Variants in CSTPP1 observed in about 807,000 individuals in gnomAD.
CSTPP1 encodes UPF0705 protein C11orf49.
the CSTPP1 span, among the ~76,000 whole-genome samples, chr11:47,013,609 A>G: frequency 1.3e-5 from 2 of 152,204 alleles, no homozygotes; most frequent in Non-Finnish European, 2.9e-5. Context: ...ATAGTATTCT[A>G]TGGTGTATAT....
chr11:47,004,680 C>A, the CSTPP1 span, among the ~76,000 whole-genome samples: 1 of 152,116 alleles, frequency 6.6e-6, no homozygotes, highest in African/African-American at 2.4e-5. Context: ...ACCCCCTTTC[C>A]TCTAGATACA....
the CSTPP1 span, among the ~76,000 whole-genome samples, chr11:47,091,188 G>A: frequency 9.2e-5 from 14 of 151,568 alleles, no homozygotes; most frequent in East Asian, 7.8e-4. Context: ...TCAGGAGATC[G>A]AGACCATCCT....
chr11:47,133,542 A>G, the CSTPP1 span, among the ~76,000 whole-genome samples: 1 of 152,224 alleles, frequency 6.6e-6, no homozygotes, highest in South Asian at 2.1e-4. Context: ...CCCCCAGCCC[A>G]TGCCCTCTGG....
chr11:46,984,844 C>T, the CSTPP1 span, among the ~76,000 whole-genome samples: 1 of 151,714 alleles, frequency 6.6e-6, no homozygotes, highest in African/African-American at 2.4e-5. Flanking sequence ...CAGGATAAAC[C>T]GATAGAAGAA....
the CSTPP1 span, among the ~76,000 whole-genome samples, chr11:47,055,856 A>G: frequency 1.3e-5 from 2 of 152,244 alleles, no homozygotes; most frequent in Non-Finnish European, 2.9e-5. Context: ...TACAGAATAA[A>G]TGCACTAATA....
the CSTPP1 span, among the ~76,000 whole-genome samples, chr11:46,985,926 G>A: frequency 6.6e-6 from 1 of 152,160 alleles, no homozygotes; most frequent in Non-Finnish European, 1.5e-5. Flanking sequence ...CAAAGCCCAG[G>A]TTCTTAACCA....
chr11:46,976,414 C>CACACAGT, the CSTPP1 span, among the ~76,000 whole-genome samples: 1 of 151,686 alleles, frequency 6.6e-6, no homozygotes, highest in African/African-American at 2.4e-5. Context: ...CACACACACA[C>CACACAGT]ACACACACAG....
chr11:47,156,558 C>G, the CSTPP1 span, among the ~76,000 whole-genome samples: 2 of 152,218 alleles, frequency 1.3e-5, no homozygotes, highest in Non-Finnish European at 2.9e-5. Flanking sequence ...TGGGGCTTAC[C>G]AGTGGGAGCA....
At chr11:47,019,012 A>ATT in the CSTPP1 span, among the ~76,000 whole-genome samples, 316 of 145,994 alleles carry the variant, frequency 2.2e-3, 1 homozygote, top group African/African-American at 7.6e-3. Context: ...GCAAAAGTTT[A>ATT]TTTTTTTTTT....
the CSTPP1 span, among the ~76,000 whole-genome samples, chr11:47,054,013 T>TA: frequency 6.6e-6 from 1 of 151,016 alleles, no homozygotes; most frequent in Admixed American, 6.6e-5. Flanking sequence ...TTTTTTTTTT[T>TA]AAAGACCCTG....
At chr11:47,094,895 T>A in the CSTPP1 span, among the ~76,000 whole-genome samples, 1 of 152,238 alleles carries the variant, frequency 6.6e-6, no homozygotes, top group African/African-American at 2.4e-5. Flanking sequence ...AAGTCCATTC[T>A]AAGCCTCAGT....
the CSTPP1 span, chr11:47,161,762 A>G: frequency 6.9e-7 from 1 of 1,439,466 alleles, no homozygotes; most frequent in Non-Finnish European, 9.1e-7. Context: ...GGTGAATAAC[A>G]GCCCCAAGAC....
chr11:46,982,244 C>T, the CSTPP1 span, among the ~76,000 whole-genome samples: 1 of 151,886 alleles, frequency 6.6e-6, no homozygotes, highest in Non-Finnish European at 1.5e-5. Flanking sequence ...GAAAGGAAAA[C>T]TCTATGTATT....
At chr11:47,045,425 G>C in the CSTPP1 span, among the ~76,000 whole-genome samples, 3 of 152,126 alleles carry the variant, frequency 2.0e-5, no homozygotes, top group Non-Finnish European at 4.4e-5. Context: ...GCTAATTTTG[G>C]TCTTTGTTTA....
chr11:47,070,375 T>G, the CSTPP1 span, among the ~76,000 whole-genome samples: 14 of 152,140 alleles, frequency 9.2e-5, no homozygotes, highest in African/African-American at 3.4e-4. Flanking sequence ...TGCTCTTGAT[T>G]CCCACTGATA....
chr11:47,154,907 G>C, the CSTPP1 span: 1 of 523,534 alleles, frequency 1.9e-6, no homozygotes, highest in South Asian at 2.9e-5. Context: ...GTGCCACTGA[G>C]ACTGAACCGG....
At chr11:47,135,108 C>CTAAT in the CSTPP1 span, among the ~76,000 whole-genome samples, 88 of 151,914 alleles carry the variant, frequency 5.8e-4, 1 homozygote, top group African/African-American at 1.9e-3. Flanking sequence ...CATCTCAAAA[C>CTAAT]TAATTAATTA....
the CSTPP1 span, chr11:47,159,489 G>A: frequency 0.34 from 130,413 of 378,486 alleles, 24,018 homozygotes; most frequent in East Asian, 0.71. Flanking sequence ...CAGCCTGTGC[G>A]ACAGAGCAAG....
chr11:46,937,968 G>A, the CSTPP1 span, among the ~76,000 whole-genome samples: 5 of 151,934 alleles, frequency 3.3e-5, no homozygotes, highest in Non-Finnish European at 7.4e-5. Flanking sequence ...TCTGCCTCCC[G>A]GATTCAAGCG....
Sources: gnomAD v4.1 joint callset for allele counts (sites outside exome capture counted in the v4.1 genomes callset) on GRCh38, gnomAD v4.1.1 for gene constraint, MANE v1.5 for transcripts, NCBI Gene and HGNC (gene_info 2026-07-23, HGNC 2026-07-21) for gene names.